RARB: variants seen among roughly 807,000 people sequenced by gnomAD.
RARB encodes the protein retinoic acid receptor beta.
In RARB, 17 loss-of-function variants were observed where a neutral mutation model predicts 51.9. The ratio of observed to expected loss-of-function variants is 0.33; its 90% CI spans 0.22 to 0.49. The LOEUF is 0.49. Among genes scored for constraint, RARB ranks in the 20% least tolerant of loss-of-function variants. The pLI is 0.99. For missense variants in RARB, 369 were observed against 550.8 expected (o/e 0.67, Z 3.30); for synonymous variants, 215 against 195.4 (o/e 1.10, Z -0.84).
intron 2 of RARB, among the ~76,000 whole-genome samples, chr3:24,892,228 A>G (rs1010514752): frequency 3.9e-5 from 6 of 151,980 alleles, no homozygotes; most frequent in African/African-American, 1.2e-4. Context: ...TAGAAAAAAA[A>G]AAAAAAAGGG....
chr3:25,335,249 T>G (rs116788560), intron 5 of RARB, among the ~76,000 whole-genome samples: 1 of 147,904 alleles, frequency 6.8e-6, no homozygotes, highest in African/African-American at 2.6e-5. Flanking sequence ...TAAGCAGCAG[T>G]TATCACTCTC....
At position 24,849,191 on chromosome 3, in the gene RARB, C is replaced by A. The variant is rs193042879; in HGVS notation, c.-458-9483C>A. ...ACAGTAAGAGATTAATAAAAATAAGCAATTATAACAATATACTGTAAAAAA... is the reference window on the plus strand; with the variant it reads ...ACAGTAAGAGATTAATAAAAATAAGAAATTATAACAATATACTGTAAAAAA... On this transcript the variant is annotated intron_variant, in intron 1 of 11. Coordinates refer to the RARB transcript ENST00000383772. Among the ~76,000 whole-genome samples the A allele has an allele frequency of 3.3e-5, 5 of 152,174 alleles. No homozygotes were observed. The South Asian group carries it at 6.2e-4, about 19-fold the overall frequency.
intron 2 of RARB, among the ~76,000 whole-genome samples, chr3:24,918,222 A>C (rs1462707816): frequency 6.6e-6 from 1 of 152,250 alleles, no homozygotes; most frequent in Non-Finnish European, 1.5e-5. Context: ...AGCAATGCAA[A>C]TGAACGAATT....
At chr3:25,014,568 G>A (rs138218947) in intron 2 of RARB, among the ~76,000 whole-genome samples, 27 of 152,216 alleles carry the variant, frequency 1.8e-4, no homozygotes, top group Non-Finnish European at 2.9e-4. Flanking sequence ...AGCTGAGTAA[G>A]TGTAGCCAAT....
intron 5 of RARB, among the ~76,000 whole-genome samples, chr3:25,289,736 A>G (rs543630837): frequency 6.7e-6 from 1 of 148,428 alleles, no homozygotes; most frequent in African/African-American, 2.4e-5. Context: ...GAGGAAGGCG[A>G]AGGATTTTTT....
chr3:25,249,569 T>G (rs1702652726), intron 5 of RARB, among the ~76,000 whole-genome samples: 1 of 152,154 alleles, frequency 6.6e-6, no homozygotes, highest in Non-Finnish European at 1.5e-5. Flanking sequence ...TCTTTCAATT[T>G]TTTTTAATTT....
chr3:25,242,390 T>C (rs1702454101), intron 5 of RARB, among the ~76,000 whole-genome samples: 1 of 152,212 alleles, frequency 6.6e-6, no homozygotes, highest in African/African-American at 2.4e-5. Context: ...CATGCCTATG[T>C]TCTGAACGGT....
At chr3:25,425,112 CAG>C (rs1382150289), upstream of RARB, among the ~76,000 whole-genome samples, 2 of 152,142 alleles carry the variant, frequency 1.3e-5, no homozygotes, top group African/African-American at 4.8e-5. Flanking sequence ...TGACACATAT[CAG>C]AATGTTATTT....
intron 2 of RARB, among the ~76,000 whole-genome samples, chr3:24,923,336 A>G (rs1333467005): frequency 6.6e-6 from 1 of 152,048 alleles, no homozygotes; most frequent in Admixed American, 6.6e-5. Flanking sequence ...TAAGATACTC[A>G]TTGTGAATTA....
intron 2 of RARB, among the ~76,000 whole-genome samples, chr3:24,922,167 A>T (rs974599202): frequency 2.0e-5 from 3 of 152,222 alleles, no homozygotes; most frequent in African/African-American, 7.2e-5. Context: ...AAGCTGTAGC[A>T]TTCAACCCTG....
At chr3:25,242,029 T>C (rs1036045378) in intron 5 of RARB, among the ~76,000 whole-genome samples, 7 of 152,236 alleles carry the variant, frequency 4.6e-5, no homozygotes, top group Admixed American at 4.6e-4. Flanking sequence ...TGGTATCTCA[T>C]TGTGGTTTTG....
At chr3:25,180,217 A>AAT (rs1337673053) in intron 5 of RARB, among the ~76,000 whole-genome samples, 4 of 152,170 alleles carry the variant, frequency 2.6e-5, no homozygotes, top group African/African-American at 4.8e-5. Flanking sequence ...TGACTGAAAG[A>AAT]ATATATATAA....
intron 2 of RARB, among the ~76,000 whole-genome samples, chr3:24,977,614 T>C (rs1394162689): frequency 6.6e-6 from 1 of 152,142 alleles, no homozygotes; most frequent in Non-Finnish European, 1.5e-5. Context: ...TTGATTTTTG[T>C]ATCCTGAGAT....
chr3:25,399,469 AC>A (rs760505436), intron 5 of RARB, among the ~76,000 whole-genome samples: 10 of 151,994 alleles, frequency 6.6e-5, no homozygotes, highest in Non-Finnish European at 1.2e-4. Context: ...TGTTGGCTTT[AC>A]TCTTTATCTT....
intron 3 of RARB, among the ~76,000 whole-genome samples, chr3:25,086,557 A>C (rs563861150): frequency 2.2e-4 from 34 of 152,284 alleles, no homozygotes; most frequent in African/African-American, 7.2e-4. Flanking sequence ...ACACAGCCCC[A>C]GGAGATTCTG....
intron 5 of RARB, among the ~76,000 whole-genome samples, chr3:25,290,512 C>T (rs1014930539): frequency 1.3e-5 from 2 of 152,162 alleles, no homozygotes; most frequent in Non-Finnish European, 2.9e-5. Context: ...AACTAATCCA[C>T]TGTGTGGAGG....
chr3:24,976,111 A>G (rs1696506418), intron 2 of RARB, among the ~76,000 whole-genome samples: 1 of 152,038 alleles, frequency 6.6e-6, no homozygotes, highest in Non-Finnish European at 1.5e-5. Flanking sequence ...ATCCTTTTTT[A>G]TGGCTGCATA....
At chr3:25,551,645 A>G (rs1336047864) in intron 3 of RARB, among the ~76,000 whole-genome samples, 2 of 152,212 alleles carry the variant, frequency 1.3e-5, no homozygotes, top group Admixed American at 6.5e-5. Flanking sequence ...GGTCTGGGCT[A>G]GAGATTGAGA....
rs752877648 is a variant in RARB, at chr3:25,259,020, T to C, written c.178+84445T>C. ...AACCATAGTATATGGTGTCTGAGAC[T>C]GCTTCTGATATTAGTAGGCAGGAAC... On this transcript the variant is annotated intron_variant, in intron 5 of 11. Coordinates refer to the RARB transcript ENST00000383772. The C allele has an allele frequency of 6.4e-4, 627 of 985,326 alleles. 3 individuals are homozygous for C. Among genetic ancestry groups the C allele is most frequent in the Non-Finnish European group, 5.8e-4 (484 of 829,856 alleles). 61.0% of individuals were successfully genotyped at this position (985,326 alleles called of 1,614,324 possible).
Sources: gnomAD v4.1 joint callset for allele counts (sites outside exome capture counted in the v4.1 genomes callset) on GRCh38, gnomAD v4.1.1 for gene constraint, MANE v1.5 for transcripts, NCBI Gene and HGNC (gene_info 2026-07-23, HGNC 2026-07-21) for gene names.